The following MARCHF4 variants were observed in gnomAD, a reference collection of about 807,000 sequenced individuals.
The protein encoded by MARCHF4 is membrane associated ring-CH-type finger 4.
MARCHF4 carries 14 observed loss-of-function variants against 43.9 expected under a neutral mutation model. The ratio of observed to expected loss-of-function variants is 0.32; its 90% CI spans 0.21 to 0.50. The LOEUF (loss-of-function observed/expected upper bound fraction) is 0.50. Among genes scored for constraint, MARCHF4 ranks in the 20% least tolerant of loss-of-function variants. MARCHF4 has a pLI of 0.98. For synonymous variants in MARCHF4, 226 were observed against 213.3 expected, an observed-to-expected ratio of 1.06 and a Z score of -0.52; for missense variants, 468 against 536.7, an observed-to-expected ratio of 0.87 and a Z score of 1.27.
intron 3 of MARCHF4, among the ~76,000 whole-genome samples, chr2:216,267,987 G>A (rs1466262039): frequency 6.6e-6 from 1 of 152,240 alleles, no homozygotes; most frequent in Non-Finnish European, 1.5e-5. Context: ...CCGGGTGGGT[G>A]GGAAGGAGTT....
At chr2:216,298,920 C>T (rs2105948508) in intron 1 of MARCHF4, among the ~76,000 whole-genome samples, 1 of 152,282 alleles carries the variant, frequency 6.6e-6, no homozygotes, top group Non-Finnish European at 1.5e-5. Flanking sequence ...AAGGCTGTTA[C>T]ACATACTGCC....
intron 3 of MARCHF4, among the ~76,000 whole-genome samples, chr2:216,267,440 A>T (rs1187363532): frequency 6.6e-6 from 1 of 152,222 alleles, no homozygotes; most frequent in East Asian, 1.9e-4. Context: ...AGCTGGAGGC[A>T]AAAGACTCAG....
At chr2:216,283,500 G>A (rs1039683839) in intron 2 of MARCHF4, 74 bp downstream of exon 2, 1 of 1,491,326 alleles carries the variant, frequency 6.7e-7, no homozygotes, top group African/African-American at 1.4e-5. Context: ...CTAAGGTGAA[G>A]TAAGCCTCCT....
chr2:216,329,240 G>T (rs1692046369), intron 1 of MARCHF4, among the ~76,000 whole-genome samples: 1 of 152,104 alleles, frequency 6.6e-6, no homozygotes, highest in African/African-American at 2.4e-5. Context: ...AATTAGCCAG[G>T]CTTGGTGGCG....
chr2:216,282,107 C>T (rs939276130), intron 2 of MARCHF4, among the ~76,000 whole-genome samples: 16 of 152,024 alleles, frequency 1.1e-4, no homozygotes, highest in Admixed American at 4.6e-4. Flanking sequence ...TCAGCTGTCT[C>T]GTGACACTGC....
At chr2:216,322,564 G>A (rs189783841) in intron 1 of MARCHF4, among the ~76,000 whole-genome samples, 53 of 152,256 alleles carry the variant, frequency 3.5e-4, no homozygotes, top group Non-Finnish European at 6.8e-4. Flanking sequence ...GCTCACGCCT[G>A]TAATCTCAAC....
At chr2:216,273,654 TC>T (rs1690975456) in intron 3 of MARCHF4, among the ~76,000 whole-genome samples, 1 of 152,126 alleles carries the variant, frequency 6.6e-6, no homozygotes, top group South Asian at 2.1e-4. Context: ...AAGGGAAGCT[TC>T]CCCCTTTTTC....
intron 1 of MARCHF4, among the ~76,000 whole-genome samples, chr2:216,325,819 T>C (rs10932652): frequency 0.25 from 37,233 of 146,118 alleles, 5,640 homozygotes; most frequent in East Asian, 0.51. Flanking sequence ...TCAAGATGGA[T>C]TAAAGACTTA....
intron 1 of MARCHF4, among the ~76,000 whole-genome samples, chr2:216,325,599 T>C (rs1691976239): frequency 6.6e-6 from 1 of 152,198 alleles, no homozygotes; most frequent in African/African-American, 2.4e-5. Context: ...AACAGCAGGG[T>C]ACTGGTATAT....
intron 1 of MARCHF4, among the ~76,000 whole-genome samples, chr2:216,338,592 C>A (rs1189487793): frequency 6.6e-6 from 1 of 152,152 alleles, no homozygotes; most frequent in Non-Finnish European, 1.5e-5. Context: ...TGCCTTCCTA[C>A]ATTCCATCTC....
chr2:216,293,402 G>A (rs16855864), intron 1 of MARCHF4, among the ~76,000 whole-genome samples: 7,761 of 151,942 alleles, frequency 0.051, 336 homozygotes, highest in South Asian at 0.18. Context: ...AAAGATTTAA[G>A]GCCTTAATGA....
At chr2:216,318,078 C>G (rs1193888168) in intron 1 of MARCHF4, 2 of 152,196 alleles carry the variant, frequency 1.3e-5, no homozygotes, top group Non-Finnish European at 1.5e-5. Flanking sequence ...CTTCTTACAG[C>G]AGGAAGCTCG....
chr2:216,322,684 C>T (rs191404064), intron 1 of MARCHF4, among the ~76,000 whole-genome samples: 372 of 152,062 alleles, frequency 2.4e-3, no homozygotes, highest in Non-Finnish European at 4.5e-3. Context: ...TAGCCGGGTG[C>T]GGTGGTGGGT....
chr2:216,320,322 A>T (rs1691859161), intron 1 of MARCHF4, among the ~76,000 whole-genome samples: 1 of 152,216 alleles, frequency 6.6e-6, no homozygotes, highest in Admixed American at 6.5e-5. Flanking sequence ...AGTGAATAAT[A>T]AACACTTCCA....
chr2:216,354,915 CT>C (rs747454155), intron 1 of MARCHF4, among the ~76,000 whole-genome samples: 2,226 of 98,604 alleles, frequency 0.023, 51 homozygotes, highest in Admixed American at 0.033. Flanking sequence ...TTCTTTCTTT[CT>C]TTCTTTCTTT....
chr2:216,352,532 T>G (rs775069949), intron 1 of MARCHF4, among the ~76,000 whole-genome samples: 11 of 152,158 alleles, frequency 7.2e-5, no homozygotes, highest in Non-Finnish European at 1.0e-4. Flanking sequence ...TGTTGTTGTT[T>G]TTTTAATAGA....
At chr2:216,368,519 A>G (rs1048882190) in intron 1 of MARCHF4, among the ~76,000 whole-genome samples, 2 of 152,252 alleles carry the variant, frequency 1.3e-5, no homozygotes, top group African/African-American at 2.4e-5. Flanking sequence ...ACTGGTCCCC[A>G]GAGTTCTTTG....
intron 1 of MARCHF4, among the ~76,000 whole-genome samples, chr2:216,310,246 C>G (rs1277940182): frequency 6.6e-6 from 1 of 152,026 alleles, no homozygotes; most frequent in African/African-American, 2.4e-5. Context: ...CAGTACTAAT[C>G]ATTAGATAGT....
chr2:216,312,639 A>G (rs1691706836), intron 1 of MARCHF4, among the ~76,000 whole-genome samples: 3 of 152,090 alleles, frequency 2.0e-5, no homozygotes, highest in Non-Finnish European at 4.4e-5. Flanking sequence ...CTGATGGTTA[A>G]TGATGTTGAG....
Sources: gnomAD v4.1 joint callset for allele counts (sites outside exome capture counted in the v4.1 genomes callset) on GRCh38, gnomAD v4.1.1 for gene constraint, MANE v1.5 for transcripts, NCBI Gene and HGNC (gene_info 2026-07-23, HGNC 2026-07-21) for gene names.